The following PDE10A variants were observed in gnomAD, a reference collection of about 807,000 sequenced individuals.
The protein encoded by PDE10A is phosphodiesterase 10A.
A neutral mutation model predicts 97.7 loss-of-function variants in PDE10A; 39 were observed. The observed-to-expected ratio is 0.40, with a 90% CI of 0.31 to 0.52. PDE10A has a LOEUF of 0.52. Among genes scored for constraint, PDE10A ranks in the 20% least tolerant of loss-of-function variants. PDE10A has a pLI of 0.56. For synonymous variants in PDE10A, 371 were observed against 376.8 expected, an observed-to-expected ratio of 0.98 and a Z score of 0.18; for missense variants, 731 against 1,047.8, an observed-to-expected ratio of 0.70 and a Z score of 4.17.
chr6:165,376,876 GC>G (rs1463783637), intron 18 of PDE10A, among the ~76,000 whole-genome samples: 1 of 152,120 alleles, frequency 6.6e-6, no homozygotes. Flanking sequence ...CTATGATGAT[GC>G]CACTGCATGT....
Position 165,659,262 on chromosome 6 carries a change from CAGA to C in PDE10A, c.865+2682_865+2684del, listed in dbSNP as rs1280017461. 2.0e-5 allele frequency among the ~76,000 whole-genome samples: 3 copies of C among 151,676 alleles called. No individual in the cohort carries two copies. In the East Asian group the frequency reaches 5.8e-4, roughly 29 times the overall value. The stretch of plus-strand genomic sequence containing the variant: ...CGTGACAACTTGCATATCAGACCAA[CAGA>C]AGATCAAACTGAAAGAAAAAAAAAA... On this transcript the variant is annotated intron_variant, in intron 1 of 21. Coordinates refer to ENST00000539869, the MANE Select transcript of PDE10A (RefSeq NM_001385079.1).
chr6:165,842,123 C>T (rs917945209), intron 1 of PDE10A, among the ~76,000 whole-genome samples: 5 of 152,178 alleles, frequency 3.3e-5, no homozygotes, highest in Non-Finnish European at 7.3e-5. Context: ...ATTATGTATA[C>T]TTGATAGCTT....
chr6:165,427,045 A>T (rs1562455877), intron 10 of PDE10A, among the ~76,000 whole-genome samples: 1 of 152,104 alleles, frequency 6.6e-6, no homozygotes, highest in Non-Finnish European at 1.5e-5. Flanking sequence ...CTGCCATGGA[A>T]AGTTTGGCAG....
chr6:165,364,991 A>G (rs1441683054), intron 18 of PDE10A, among the ~76,000 whole-genome samples: 1 of 152,090 alleles, frequency 6.6e-6, no homozygotes, highest in East Asian at 1.9e-4. Context: ...TGATTATTTC[A>G]TTACTATTCA....
At chr6:165,723,612 T>C (rs969706920) in intron 1 of PDE10A, among the ~76,000 whole-genome samples, 5 of 152,162 alleles carry the variant, frequency 3.3e-5, no homozygotes, top group Admixed American at 3.3e-4. Context: ...ATAGAGCATG[T>C]TTTGCCATAG....
chr6:165,332,483 C>A lies in PDE10A; in HGVS notation c.*542G>T, dbSNP rs2128172377. 6.6e-6 allele frequency: 1 copy of A among 152,308 alleles called. No homozygotes were observed. Among genetic ancestry groups the A allele is most frequent in the East Asian group, 1.9e-4 (1 of 5,168 alleles). 9.4% of individuals were successfully genotyped at this position (152,308 alleles called of 1,614,324 possible). A position where few individuals can be genotyped will look rare whatever the true frequency, so the allele number is the denominator to read the frequency against. The stretch of plus-strand genomic sequence containing the variant: ...TTTGCCATCATTTCTTACTCTGTAA[C>A]CTCAACGACATTTGTCCTGAGGCTG... On this transcript the variant is annotated 3_prime_UTR_variant, in exon 22 of 22. Transcript: ENST00000539869.
At chr6:165,666,837 G>A (rs1269210179), upstream of PDE10A, among the ~76,000 whole-genome samples, 2 of 152,302 alleles carry the variant, frequency 1.3e-5, no homozygotes, top group Non-Finnish European at 2.9e-5. Flanking sequence ...CATGTAATTT[G>A]CATTGACAGC....
intron 1 of PDE10A, among the ~76,000 whole-genome samples, chr6:165,638,610 C>T (rs966844376): frequency 6.6e-6 from 1 of 151,944 alleles, no homozygotes; most frequent in African/African-American, 2.4e-5. Flanking sequence ...CAGATAAATG[C>T]AAAGAAAATA....
intron 9 of PDE10A, 97 bp downstream of exon 9, chr6:165,430,190 T>A: frequency 5.2e-6 from 4 of 766,862 alleles, no homozygotes; most frequent in Non-Finnish European, 8.8e-6. Flanking sequence ...TCTTCAGTTA[T>A]CAGCTGCAAT....
At position 165,661,946 on chromosome 6, in the gene PDE10A, C is replaced by G. The variant is rs896093973; in HGVS notation, c.865+1G>C. 3 of 1,015,570 alleles carry G rather than the reference C, an allele frequency of 3.0e-6. No individual in the cohort carries two copies. The highest frequency in any genetic ancestry group is 4.5e-6 in the Non-Finnish European group (3 of 664,092). The allele number at this position is 1,015,570 out of a possible 1,614,324, so 62.9% of individuals were successfully genotyped here. A position where few individuals can be genotyped will look rare whatever the true frequency, so the allele number is the denominator to read the frequency against. ...CGGGGAACGGGGAGCAGGCCACTTA[C>G]TGGGGCTCAGGAAGCACTCGGTCAG... On this transcript the variant is annotated splice_donor_variant, in intron 1 of 21. Coordinates refer to ENST00000539869, the MANE Select transcript of PDE10A (RefSeq NM_001385079.1). LOFTEE classifies it high-confidence loss of function. The surrounding 1 kb of genome is among the most constrained non-coding windows in gnomAD (Gnocchi z 4.8).
intron 13 of PDE10A, among the ~76,000 whole-genome samples, chr6:165,408,817 A>C (rs985387051): frequency 6.6e-6 from 1 of 152,054 alleles, no homozygotes; most frequent in Non-Finnish European, 1.5e-5. Context: ...AGTTGGAAAA[A>C]CTTCAAAAAT....
chr6:165,537,481 T>A (rs896978312), intron 2 of PDE10A, among the ~76,000 whole-genome samples: 1 of 152,156 alleles, frequency 6.6e-6, no homozygotes, highest in African/African-American at 2.4e-5. Context: ...CAGATTTGAT[T>A]ATTACATTGT....
chr6:165,411,175 T>C (rs930368908), intron 13 of PDE10A, among the ~76,000 whole-genome samples: 5 of 141,962 alleles, frequency 3.5e-5, no homozygotes, highest in Non-Finnish European at 6.0e-5. Flanking sequence ...GAGACAACAC[T>C]AAGGAATAGT....
intron 3 of PDE10A, among the ~76,000 whole-genome samples, chr6:165,465,477 G>C (rs537260118): frequency 6.6e-6 from 1 of 152,298 alleles, no homozygotes; most frequent in Non-Finnish European, 1.5e-5. Context: ...ACACAGAGCT[G>C]TTTCAAAGGA....
At chr6:165,375,597 G>A (rs1237909644) in intron 18 of PDE10A, among the ~76,000 whole-genome samples, 4 of 152,178 alleles carry the variant, frequency 2.6e-5, no homozygotes, top group Non-Finnish European at 5.9e-5. Flanking sequence ...AACGGATGAA[G>A]GTGGCTCAAC....
At chr6:165,444,212 G>A (rs539411306) in intron 5 of PDE10A, among the ~76,000 whole-genome samples, 3 of 152,172 alleles carry the variant, frequency 2.0e-5, no homozygotes, top group Non-Finnish European at 4.4e-5. Context: ...CAAGTCTCTT[G>A]GAAGTTTCAA....
intron 17 of PDE10A, among the ~76,000 whole-genome samples, chr6:165,385,116 G>C (rs944183087): frequency 6.6e-6 from 1 of 152,066 alleles, no homozygotes; most frequent in African/African-American, 2.4e-5. Flanking sequence ...CCCAAGGATA[G>C]CATCTTAATT....
intron 1 of PDE10A, among the ~76,000 whole-genome samples, chr6:165,614,512 G>A (rs1438604587): frequency 6.6e-6 from 1 of 152,054 alleles, no homozygotes; most frequent in East Asian, 1.9e-4. Context: ...CTACCCTCCT[G>A]CAATGCTATC....
At chr6:165,840,117 C>T (rs1023094929) in intron 1 of PDE10A, among the ~76,000 whole-genome samples, 14 of 149,392 alleles carry the variant, frequency 9.4e-5, no homozygotes, top group African/African-American at 3.5e-4. Flanking sequence ...CACCTTCATC[C>T]CCATCTCTCT....
Sources: gnomAD v4.1 joint callset for allele counts (sites outside exome capture counted in the v4.1 genomes callset) on GRCh38, gnomAD v4.1.1 for gene constraint, Gnocchi (gnomAD v3.1) non-coding constraint, MANE v1.5 for transcripts, NCBI Gene and HGNC (gene_info 2026-07-23, HGNC 2026-07-21) for gene names.